The following UVRAG variants were observed in gnomAD, a reference collection of about 807,000 sequenced individuals.
UVRAG encodes the protein UV radiation resistance-associated gene protein.
In UVRAG, 19 loss-of-function variants were observed where a neutral mutation model predicts 78.0. That is an observed-to-expected ratio of 0.24 (90% CI 0.17 to 0.36). UVRAG has a LOEUF of 0.36. UVRAG is among the 10% of genes least tolerant of loss of function. The probability of loss-of-function intolerance (pLI) is 1.00; values close to 1 mark genes in which losing one functional copy is unlikely to be tolerated. For missense variants in UVRAG, 740 were observed against 853.8 expected, an observed-to-expected ratio of 0.87 and a Z score of 1.66; for synonymous variants, 323 against 324.6, an observed-to-expected ratio of 1.00 and a Z score of 0.05.
At chr11:75,841,627 G>A (rs1417301111) in intron 1 of UVRAG, among the ~76,000 whole-genome samples, 1 of 151,990 alleles carries the variant, frequency 6.6e-6, no homozygotes, top group African/African-American at 2.4e-5. Context: ...TAGCAATACT[G>A]GAATAAACAT....
chr11:76,129,193 A>G (rs1184465763), intron 14 of UVRAG, among the ~76,000 whole-genome samples: 1 of 152,264 alleles, frequency 6.6e-6, no homozygotes, highest in Non-Finnish European at 1.5e-5. Flanking sequence ...ATTTGAGCCC[A>G]GGCAGAGCAG....
At chr11:76,124,196 T>C (rs1023623073) in intron 14 of UVRAG, among the ~76,000 whole-genome samples, 2 of 152,252 alleles carry the variant, frequency 1.3e-5, no homozygotes, top group Non-Finnish European at 2.9e-5. Context: ...GTGCAAAGTA[T>C]TATTAAGTAT....
chr11:75,956,665 C>T (rs775611531), intron 6 of UVRAG, among the ~76,000 whole-genome samples: 5 of 152,112 alleles, frequency 3.3e-5, no homozygotes, highest in African/African-American at 7.2e-5. Context: ...ATTGCAAGAA[C>T]TGTAGTTACT....
intron 12 of UVRAG, among the ~76,000 whole-genome samples, chr11:76,057,974 G>T (rs989498032): frequency 4.0e-4 from 61 of 151,770 alleles, no homozygotes; most frequent in Admixed American, 3.0e-3. Flanking sequence ...GGTTTTTTTT[G>T]TTGTTGTTGT....
chr11:75,903,524 TGCTTTGGCTAAAGGTGTTCA>T (rs1947554491), intron 5 of UVRAG, among the ~76,000 whole-genome samples: 1 of 152,236 alleles, frequency 6.6e-6, no homozygotes, highest in Non-Finnish European at 1.5e-5. Flanking sequence ...CCTGCTGTCA[TGCTTTGGCTAAAGGTGTTCA>T]GTCTGTGTGG....
intron 12 of UVRAG, among the ~76,000 whole-genome samples, chr11:76,040,480 A>AG (rs1950625553): frequency 6.6e-6 from 1 of 151,894 alleles, no homozygotes; most frequent in Admixed American, 6.6e-5. Context: ...TCAAAAAAAA[A>AG]AAAAAAGGAA....
chr11:75,999,770 A>G (rs1949776764), intron 8 of UVRAG, among the ~76,000 whole-genome samples: 1 of 152,172 alleles, frequency 6.6e-6, no homozygotes, highest in Non-Finnish European at 1.5e-5. Flanking sequence ...AAAATATTCC[A>G]AAATTTAAAA....
At chr11:75,940,444 A>G (rs1948463069) in intron 6 of UVRAG, among the ~76,000 whole-genome samples, 2 of 152,180 alleles carry the variant, frequency 1.3e-5, no homozygotes, top group African/African-American at 2.4e-5. Flanking sequence ...TTAAAAGGTC[A>G]TTGTCCAGTT....
At chr11:75,945,134 G>A (rs544145774) in intron 6 of UVRAG, among the ~76,000 whole-genome samples, 68 of 152,184 alleles carry the variant, frequency 4.5e-4, no homozygotes, top group African/African-American at 1.6e-3. Context: ...AATAAATATT[G>A]CATAGCATCT....
At chr11:76,065,003 C>G (rs1330726598) in intron 12 of UVRAG, among the ~76,000 whole-genome samples, 1 of 152,146 alleles carries the variant, frequency 6.6e-6, no homozygotes, top group Non-Finnish European at 1.5e-5. Flanking sequence ...CTAAACTTTT[C>G]TTCATTTGCA....
chr11:76,062,661 A>T (rs972889904), intron 12 of UVRAG, among the ~76,000 whole-genome samples: 1 of 152,210 alleles, frequency 6.6e-6, no homozygotes, highest in African/African-American at 2.4e-5. Context: ...ATTCAGAGGC[A>T]GTAGAGAGAA....
chr11:75,929,623 C>T (rs1948190509), intron 6 of UVRAG, among the ~76,000 whole-genome samples: 1 of 152,114 alleles, frequency 6.6e-6, no homozygotes, highest in South Asian at 2.1e-4. Flanking sequence ...CCGTTGTCAT[C>T]TTCTATTATA....
At chr11:75,837,652 G>A (rs1945815205) in intron 1 of UVRAG, 1 of 151,986 alleles carries the variant, frequency 6.6e-6, no homozygotes, top group Admixed American at 6.6e-5. Flanking sequence ...AGCCTATTGA[G>A]ATTTTTTTTT....
intron 11 of UVRAG, among the ~76,000 whole-genome samples, chr11:76,015,191 C>T (rs1324269934): frequency 6.6e-6 from 1 of 151,996 alleles, no homozygotes; most frequent in South Asian, 2.1e-4. Context: ...TTGGTACATT[C>T]GAGGCTCCCA....
At chr11:75,834,176 T>C (rs1005002432) in intron 1 of UVRAG, among the ~76,000 whole-genome samples, 1 of 152,180 alleles carries the variant, frequency 6.6e-6, no homozygotes, top group Non-Finnish European at 1.5e-5. Flanking sequence ...AGCCGTTGTG[T>C]CTCTAATGTA....
intron 13 of UVRAG, 140 bp from the exon 14 acceptor site, chr11:76,115,784 A>G (rs1011730762): frequency 1.4e-5 from 10 of 706,492 alleles, no homozygotes; most frequent in East Asian, 8.4e-5. Flanking sequence ...GTAAGTGGAA[A>G]GTACTGTGAG....
chr11:76,065,643 G>T lies in UVRAG; in HGVS notation c.1227-67G>T, dbSNP rs1429323599. Reference sequence around the variant, plus strand: ...CTGTATCTAAGAAACTTCAGCCTCTGTTGACAACTTGGAGGTTGTATTTAC... The same window carrying T: ...CTGTATCTAAGAAACTTCAGCCTCTTTTGACAACTTGGAGGTTGTATTTAC... On this transcript the variant is annotated intron_variant, in intron 12 of 14. Coordinates refer to ENST00000356136, the MANE Select transcript of UVRAG (RefSeq NM_003369.4). The T allele has an allele frequency of 1.8e-5, 27 of 1,460,204 alleles. No individual in the cohort carries two copies. In the South Asian group the frequency reaches 3.0e-4, roughly 16 times the overall value. The allele number at this position is 1,460,204 out of a possible 1,614,324, so 90.5% of individuals were successfully genotyped here.
intron 1 of UVRAG, among the ~76,000 whole-genome samples, chr11:75,839,394 A>T (rs1374039254): frequency 6.6e-6 from 1 of 151,944 alleles, no homozygotes; most frequent in African/African-American, 2.4e-5. Flanking sequence ...ATAATTGTTC[A>T]TGGTTTCTTT....
intron 3 of UVRAG, among the ~76,000 whole-genome samples, chr11:75,863,247 A>G (rs1246474320): frequency 6.6e-6 from 1 of 152,240 alleles, no homozygotes; most frequent in African/African-American, 2.4e-5. Flanking sequence ...GATATAAAAT[A>G]AGTGCCTAGC....
Sources: gnomAD v4.1 joint callset for allele counts (sites outside exome capture counted in the v4.1 genomes callset) on GRCh38, gnomAD v4.1.1 for gene constraint, MANE v1.5 for transcripts, NCBI Gene and HGNC (gene_info 2026-07-23, HGNC 2026-07-21) for gene names.